Variants in COL24A1 observed in about 807,000 individuals in gnomAD.
COL24A1 encodes the protein collagen alpha-1(XXIV) chain.
Under a neutral mutation model 253.9 loss-of-function variants are expected in COL24A1, and 224 were observed. The observed-to-expected ratio is 0.88, with a 90% CI of 0.79 to 0.99. The LOEUF (loss-of-function observed/expected upper bound fraction) is 0.99. COL24A1 is among the 50% of genes least tolerant of loss of function. COL24A1 has a pLI of 0.00. For missense variants in COL24A1, 2,131 were observed against 2,068.5 expected, an observed-to-expected ratio of 1.03 and a Z score of -0.59; for synonymous variants, 685 against 673.7, an observed-to-expected ratio of 1.02 and a Z score of -0.26.
intron 7 of COL24A1, among the ~76,000 whole-genome samples, chr1:86,067,389 A>T (rs1158186907): frequency 6.6e-6 from 1 of 152,184 alleles, no homozygotes; most frequent in Non-Finnish European, 1.5e-5. Context: ...TAAGCCCTTG[A>T]AAAAGCTTAA....
At chr1:85,870,665 A>G (rs570788365) in intron 35 of COL24A1, among the ~76,000 whole-genome samples, 122 of 152,344 alleles carry the variant, frequency 8.0e-4, no homozygotes, top group Non-Finnish European at 1.4e-3. Flanking sequence ...CAAAGACACA[A>G]CACACCAGAA....
intron 37 of COL24A1, among the ~76,000 whole-genome samples, chr1:85,857,388 A>G (rs1368953763): frequency 6.7e-6 from 1 of 149,496 alleles, no homozygotes; most frequent in African/African-American, 2.5e-5. Flanking sequence ...ACCACAACAG[A>G]CCTCAGAGAC....
intron 20 of COL24A1, among the ~76,000 whole-genome samples, chr1:85,975,551 A>C (rs949112060): frequency 6.6e-6 from 1 of 152,192 alleles, no homozygotes; most frequent in Non-Finnish European, 1.5e-5. Flanking sequence ...CATATGTGGA[A>C]GCTAAAAAAA....
Position 85,781,290 on chromosome 1 carries a change from A to T in COL24A1, c.4285-17T>A, listed in dbSNP as rs1205279048. 1 of 1,586,612 alleles carries T rather than the reference A, an allele frequency of 6.3e-7. No individual in the cohort carries two copies. Among genetic ancestry groups the T allele is most frequent in the Non-Finnish European group, 8.6e-7 (1 of 1,166,622 alleles). On this transcript the variant is annotated splice_polypyrimidine_tract_variant and intron_variant, in intron 51 of 59. Transcript: ENST00000370571. Reference sequence around the variant, plus strand: ...AGTGTTTCCCTGTTGAGGTAAAAGAAAAACAGTCTCACTGTTAGTATAATT... The same window carrying T: ...AGTGTTTCCCTGTTGAGGTAAAAGATAAACAGTCTCACTGTTAGTATAATT...
chr1:85,823,724 T>C lies in COL24A1; in HGVS notation c.3696A>G (p.Val1232=), dbSNP rs1282110985. 2.5e-6 allele frequency: 4 copies of C among 1,613,734 alleles called. No individual in the cohort carries two copies. The highest frequency in any genetic ancestry group is 3.4e-6 in the Non-Finnish European group (4 of 1,179,772). The change falls in exon 44 of 60, where the codon GTA becomes GTG. Residue 1232 remains valine (V), a synonymous_variant. Coordinates refer to ENST00000370571, the MANE Select transcript of COL24A1 (RefSeq NM_152890.7). ...GTCCAGTGGCACCTCTTAGTCCTGGTACACCCACATGGCCCTAGAAATAGA... is the reference window on the plus strand; with the variant it reads ...GTCCAGTGGCACCTCTTAGTCCTGGCACACCCACATGGCCCTAGAAATAGA... ...GAEGYKGHVG[V]PGLRGATGQQ...
At chr1:85,842,312 A>T in intron 40 of COL24A1, 28 bp downstream of exon 40, 1 of 1,503,054 alleles carries the variant, frequency 6.7e-7, no homozygotes, top group Non-Finnish European at 9.1e-7. Flanking sequence ...TTTCATGTGA[A>T]TATATTTTTT....
chr1:85,765,505 G>A (rs1268020632), intron 53 of COL24A1, among the ~76,000 whole-genome samples: 1 of 150,068 alleles, frequency 6.7e-6, no homozygotes, highest in Non-Finnish European at 1.5e-5. Context: ...CAGGGTTCGA[G>A]GCCAGCCTGG....
At chr1:86,006,367 T>C (rs1257933660) in intron 19 of COL24A1, among the ~76,000 whole-genome samples, 1 of 152,086 alleles carries the variant, frequency 6.6e-6, no homozygotes, top group East Asian at 1.9e-4. Context: ...ATAAATACAG[T>C]CACCTGATCT....
chr1:85,993,919 A>G (rs145605160), intron 19 of COL24A1, among the ~76,000 whole-genome samples: 113 of 152,158 alleles, frequency 7.4e-4, no homozygotes, highest in African/African-American at 2.6e-3. Context: ...AGCATGTTAA[A>G]TTATAATAAC....
chr1:85,804,780 G>A (rs1333631552), intron 47 of COL24A1, among the ~76,000 whole-genome samples: 2 of 152,042 alleles, frequency 1.3e-5, no homozygotes, highest in Non-Finnish European at 1.5e-5. Context: ...GCTACAAGAT[G>A]AGATTTGGGT....
chr1:85,900,427 C>T (rs997396269), intron 28 of COL24A1, among the ~76,000 whole-genome samples: 7 of 151,942 alleles, frequency 4.6e-5, no homozygotes, highest in African/African-American at 1.7e-4. Context: ...TCACTTGAGC[C>T]CAGGAGTTCA....
At chr1:85,766,368 C>CAAAAAAAAAAAAA (rs1319642983) in intron 53 of COL24A1, among the ~76,000 whole-genome samples, 5 of 66,280 alleles carry the variant, frequency 7.5e-5, no homozygotes, top group Non-Finnish European at 1.0e-4. Context: ...GACTCTGTCT[C>CAAAAAAAAAAAAA]AAAAAAAAAA....
intron 55 of COL24A1, among the ~76,000 whole-genome samples, chr1:85,760,965 G>C (rs954268749): frequency 6.6e-6 from 1 of 152,056 alleles, no homozygotes; most frequent in African/African-American, 2.4e-5. Context: ...AAGTCTGATG[G>C]CTTCCAGAGT....
intron 51 of COL24A1, among the ~76,000 whole-genome samples, 196 bp from the exon 52 acceptor site, chr1:85,781,469 C>T (rs573536861): frequency 2.4e-4 from 36 of 152,176 alleles, no homozygotes; most frequent in African/African-American, 8.7e-4. Context: ...TTATTAAAGT[C>T]TCTTATCAGG....
Position 86,156,566 on chromosome 1 carries a change from G to T in COL24A1, c.-170C>A. 1 of 501,356 alleles carries T rather than the reference G, an allele frequency of 2.0e-6. No homozygotes were observed. Among genetic ancestry groups the T allele is most frequent in the Non-Finnish European group, 3.4e-6 (1 of 297,948 alleles). The allele number at this position is 501,356 out of a possible 1,614,324, so 31.1% of individuals were successfully genotyped here. On this transcript the variant is annotated 5_prime_UTR_variant, in exon 1 of 60. Coordinates refer to ENST00000370571, the MANE Select transcript of COL24A1 (RefSeq NM_152890.7). ...AGGGGAGGGGGTGAAGTCGGGAGGA[G>T]GTAGGAAATAGCACCCGAAGGGGAG...
At chr1:85,764,964 G>A (rs562973325) in intron 53 of COL24A1, among the ~76,000 whole-genome samples, 2 of 151,812 alleles carry the variant, frequency 1.3e-5, no homozygotes, top group African/African-American at 4.8e-5. Context: ...ATACAGATTG[G>A]GAATTTAAAA....
chr1:86,107,508 A>AATTTATTTATTT lies in COL24A1; in HGVS notation c.1599+5047_1599+5058dup, dbSNP rs57193756. On this transcript the variant is annotated intron_variant, in intron 5 of 59. Coordinates refer to ENST00000370571, the MANE Select transcript of COL24A1 (RefSeq NM_152890.7). ...TATGATACATTTGTGACACAATGGT[A>AATTTATTTATTT]ATTTATTTATTTATTTATTTATTTA... 2.6e-4 allele frequency among the ~76,000 whole-genome samples: 38 copies of AATTTATTTATTT among 145,144 alleles called. No homozygotes were observed. In the East Asian group the frequency reaches 3.4e-3, roughly 13 times the overall value.
intron 2 of COL24A1, among the ~76,000 whole-genome samples, chr1:86,139,539 A>T (rs1650778480): frequency 6.6e-6 from 1 of 152,234 alleles, no homozygotes; most frequent in Non-Finnish European, 1.5e-5. Context: ...AGTAATTGGT[A>T]GTTTAAAATA....
chr1:85,848,075 G>A (rs1677337580), intron 38 of COL24A1, among the ~76,000 whole-genome samples: 1 of 152,088 alleles, frequency 6.6e-6, no homozygotes, highest in African/African-American at 2.4e-5. Flanking sequence ...GCATGTATGT[G>A]TTGTTACTAT....
Sources: gnomAD v4.1 joint callset for allele counts (sites outside exome capture counted in the v4.1 genomes callset) on GRCh38, gnomAD v4.1.1 for gene constraint, MANE v1.5 for transcripts, NCBI Gene and HGNC (gene_info 2026-07-23, HGNC 2026-07-21) for gene names.